SUPT3H: variants seen among roughly 807,000 people sequenced by gnomAD.
The protein encoded by SUPT3H is transcription initiation protein SPT3 homolog.
A neutral mutation model predicts 44.3 loss-of-function variants in SUPT3H; 44 were observed. The ratio of observed to expected loss-of-function variants is 0.99; its 90% confidence interval spans 0.78 to 1.28. The LOEUF (loss-of-function observed/expected upper bound fraction) is 1.28, where lower values mean the gene tolerates loss of function less well. SUPT3H is among the 50% of genes most tolerant of loss of function. The probability of loss-of-function intolerance (pLI) is 0.00; values close to 1 mark genes in which losing one functional copy is unlikely to be tolerated. For missense variants in SUPT3H, 380 were observed against 387.1 expected (o/e 0.98, Z 0.15); for synonymous variants, 124 against 125.6 (o/e 0.99, Z 0.09).
rs1387695374 is a variant in SUPT3H, at chr6:44,901,844, C to A, written c.912+30809G>T. 2.0e-5 allele frequency among the ~76,000 whole-genome samples: 3 copies of A among 152,292 alleles called. No homozygotes were observed. In the East Asian group the frequency reaches 5.8e-4, roughly 29 times the overall value. ...GATCTCTCACCAGAAACTCTACAAG[C>A]CAGAAGAGAGTGGGGGCTAATATTC... On this transcript the variant is annotated intron_variant, in intron 10 of 10. Transcript: ENST00000371459.
chr6:45,128,696 T>TC (rs1415751586), intron 2 of SUPT3H, among the ~76,000 whole-genome samples: 2 of 149,802 alleles, frequency 1.3e-5, no homozygotes, highest in East Asian at 2.0e-4. Context: ...AAGATTCTTT[T>TC]TTTTTTTGAG....
intron 10 of SUPT3H, among the ~76,000 whole-genome samples, chr6:44,916,950 T>C (rs535676776): frequency 2.0e-5 from 3 of 151,666 alleles, no homozygotes; most frequent in East Asian, 3.9e-4. Flanking sequence ...GTGGGTAACA[T>C]GGTGAGACCC....
At chr6:45,058,359 T>A (rs1791462468) in intron 3 of SUPT3H, among the ~76,000 whole-genome samples, 1 of 152,146 alleles carries the variant, frequency 6.6e-6, no homozygotes, top group South Asian at 2.1e-4. Context: ...CACTAATAAC[T>A]ATAATTTATA....
chr6:44,856,618 C>T (rs1773779572), intron 10 of SUPT3H, among the ~76,000 whole-genome samples: 1 of 152,148 alleles, frequency 6.6e-6, no homozygotes, highest in African/African-American at 2.4e-5. Context: ...ATTTCAGTTT[C>T]ACTATATTTC....
chr6:44,876,781 T>C (rs1366833040), intron 10 of SUPT3H, among the ~76,000 whole-genome samples: 1 of 142,034 alleles, frequency 7.0e-6, no homozygotes, highest in Non-Finnish European at 1.5e-5. Context: ...AAAGCAAAAC[T>C]GTGCTTAAAA....
chr6:45,291,190 A>G (rs1780260304), intron 2 of SUPT3H, among the ~76,000 whole-genome samples: 1 of 152,190 alleles, frequency 6.6e-6, no homozygotes, highest in Non-Finnish European at 1.5e-5. Flanking sequence ...TAGATCCAGA[A>G]GAGAGATAAT....
intron 10 of SUPT3H, among the ~76,000 whole-genome samples, chr6:44,889,336 T>C (rs1762880785): frequency 6.6e-6 from 1 of 152,156 alleles, no homozygotes; most frequent in South Asian, 2.1e-4. Context: ...AGAACAAAGT[T>C]GGAGGCATCA....
chr6:45,268,720 A>G (rs541229443), intron 2 of SUPT3H, among the ~76,000 whole-genome samples: 179 of 152,310 alleles, frequency 1.2e-3, no homozygotes, highest in Non-Finnish European at 2.4e-3. Context: ...AACAAAAACC[A>G]TAACTATTCA....
At chr6:44,913,577 A>C (rs1767374863) in intron 10 of SUPT3H, among the ~76,000 whole-genome samples, 1 of 152,166 alleles carries the variant, frequency 6.6e-6, no homozygotes, top group Non-Finnish European at 1.5e-5. Flanking sequence ...ATAACTTCCA[A>C]ATTTGAAAAC....
intron 2 of SUPT3H, among the ~76,000 whole-genome samples, chr6:45,226,579 C>T (rs1164223255): frequency 1.3e-5 from 2 of 152,122 alleles, no homozygotes. Context: ...CGGAGTCTTG[C>T]TCTGTCACCC....
intron 1 of SUPT3H, among the ~76,000 whole-genome samples, chr6:45,370,789 C>T (rs1275150454): frequency 1.3e-5 from 2 of 152,160 alleles, no homozygotes; most frequent in Non-Finnish European, 2.9e-5. Context: ...TTTGAACAGA[C>T]ATAGGAGCCC....
At chr6:44,913,249 A>G (rs505772) in intron 10 of SUPT3H, among the ~76,000 whole-genome samples, 1,553 of 152,262 alleles carry the variant, frequency 0.01, 36 homozygotes, top group African/African-American at 0.036. Context: ...TTTCTTTGCT[A>G]CAATGCTGAG....
chr6:45,277,210 C>G (rs1777163180), intron 2 of SUPT3H, among the ~76,000 whole-genome samples: 1 of 152,140 alleles, frequency 6.6e-6, no homozygotes, highest in Non-Finnish European at 1.5e-5. Flanking sequence ...AATTCTAATA[C>G]TTCATAGAAA....
At chr6:45,083,193 T>C (rs1023103075) in intron 3 of SUPT3H, among the ~76,000 whole-genome samples, 16 of 149,486 alleles carry the variant, frequency 1.1e-4, no homozygotes, top group Admixed American at 2.7e-4. Flanking sequence ...ATTATTATTA[T>C]TATTATTATT....
chr6:45,237,367 C>T (rs565226982), intron 2 of SUPT3H, among the ~76,000 whole-genome samples: 1 of 152,242 alleles, frequency 6.6e-6, no homozygotes, highest in Admixed American at 6.5e-5. Flanking sequence ...TTGTGAAGGA[C>T]CCGATGGACA....
intron 9 of SUPT3H, among the ~76,000 whole-genome samples, chr6:44,947,596 T>C (rs1171175363): frequency 1.3e-5 from 2 of 152,142 alleles, no homozygotes; most frequent in Admixed American, 1.3e-4. Context: ...AAGTTGATTC[T>C]AAAATTTACA....
At chr6:45,107,123 G>C (rs1799396399) in intron 2 of SUPT3H, among the ~76,000 whole-genome samples, 1 of 152,120 alleles carries the variant, frequency 6.6e-6, no homozygotes, top group Admixed American at 6.6e-5. Flanking sequence ...AAGTAGACTG[G>C]ATGTGCAAAG....
intron 10 of SUPT3H, among the ~76,000 whole-genome samples, chr6:44,860,089 T>A (rs775454562): frequency 6.6e-6 from 1 of 152,188 alleles, no homozygotes; most frequent in African/African-American, 2.4e-5. Flanking sequence ...TAAACACTCT[T>A]AATAAACATC....
chr6:45,046,682 G>A (rs1160330023), intron 3 of SUPT3H, among the ~76,000 whole-genome samples: 1 of 152,108 alleles, frequency 6.6e-6, no homozygotes, highest in East Asian at 1.9e-4. Context: ...ACATCTAACT[G>A]TTCTTTTCTA....
Sources: gnomAD v4.1 joint callset for allele counts (sites outside exome capture counted in the v4.1 genomes callset) on GRCh38, gnomAD v4.1.1 for gene constraint, MANE v1.5 for transcripts, NCBI Gene and HGNC (gene_info 2026-07-23, HGNC 2026-07-21) for gene names.